Variants in FAM107B observed in about 807,000 individuals in gnomAD.
The protein encoded by FAM107B is protein FAM107B.
In FAM107B, 21 loss-of-function variants were observed where a neutral mutation model predicts 31.5. The observed-to-expected ratio is 0.67, with a 90% CI of 0.47 to 0.96. The LOEUF is 0.96. FAM107B is among the 40% of genes least tolerant of loss of function. The probability of loss-of-function intolerance (pLI) is 0.00; values close to 1 mark genes in which losing one functional copy is unlikely to be tolerated. For missense variants in FAM107B, 452 were observed against 377.1 expected, an observed-to-expected ratio of 1.20 and a Z score of -1.64; for synonymous variants, 157 against 141.5, an observed-to-expected ratio of 1.11 and a Z score of -0.78.
chr10:14,659,630 C>T (rs766434657), intron 2 of FAM107B, among the ~76,000 whole-genome samples: 1 of 152,152 alleles, frequency 6.6e-6, no homozygotes, highest in Non-Finnish European at 1.5e-5. Flanking sequence ...AACTCTTGCA[C>T]AAAATCAGAG....
chr10:14,663,439 C>G (rs72770522), intron 2 of FAM107B: 16,374 of 152,272 alleles, frequency 0.11, 994 homozygotes, highest in Non-Finnish European at 0.14. Context: ...CCCAACCCTG[C>G]TTAGCTTCCG....
chr10:14,527,929 G>T, intron 3 of FAM107B: 1 of 237,284 alleles, frequency 4.2e-6, no homozygotes, highest in Non-Finnish European at 8.6e-6. Context: ...TAACAAGTTT[G>T]GTATTACCTT....
chr10:14,774,391 C>A lies in FAM107B; in HGVS notation c.273G>T (p.Arg91=). The part of the protein sequence containing the change: ...THAERNGSAN[R]NSSHRTAAQP... ...GGGCCGCAGTGCGGTGACTTGAATT[C>A]CGATTCGCACTGCCATTTCTCTCTG... The change falls in exon 1 of 5, where the codon CGG becomes CGT. Residue 91 remains arginine (R), a synonymous_variant. Transcript: ENST00000181796. 1 of 1,614,236 alleles carries A rather than the reference C, an allele frequency of 6.2e-7. No homozygotes were observed. Among genetic ancestry groups the A allele is most frequent in the Non-Finnish European group, 8.5e-7 (1 of 1,180,038 alleles).
At chr10:14,751,516 T>G (rs560372351) in intron 1 of FAM107B, among the ~76,000 whole-genome samples, 1 of 151,724 alleles carries the variant, frequency 6.6e-6, no homozygotes, top group Non-Finnish European at 1.5e-5. Flanking sequence ...TTCTTTTTTT[T>G]CTTAGAGACA....
chr10:14,742,850 C>T (rs1049225135), intron 1 of FAM107B, among the ~76,000 whole-genome samples: 3 of 152,154 alleles, frequency 2.0e-5, no homozygotes, highest in Non-Finnish European at 2.9e-5. Flanking sequence ...CTTTCCTTCT[C>T]TCCTTTACTT....
chr10:14,762,092 T>C (rs1031970601), intron 1 of FAM107B, among the ~76,000 whole-genome samples: 2 of 152,162 alleles, frequency 1.3e-5, no homozygotes, highest in African/African-American at 4.8e-5. Context: ...AGTGGTTCCA[T>C]GGCATCATGG....
At chr10:14,761,486 T>A (rs1833046627) in intron 1 of FAM107B, among the ~76,000 whole-genome samples, 1 of 152,216 alleles carries the variant, frequency 6.6e-6, no homozygotes, top group African/African-American at 2.4e-5. Context: ...TGGGGCTTTT[T>A]ATAAGTGAGA....
At chr10:14,523,005 G>A (rs190809158) in intron 3 of FAM107B, among the ~76,000 whole-genome samples, 102 of 152,204 alleles carry the variant, frequency 6.7e-4, no homozygotes, top group African/African-American at 2.4e-3. Flanking sequence ...AGATAAATTA[G>A]GCTACCATCT....
rs957487836 is a variant in FAM107B at position 14,573,661 on chromosome 10, A to G, written c.470-43146T>C. Among the ~76,000 whole-genome samples, 7 of 151,858 alleles carry G rather than the reference A, an allele frequency of 4.6e-5. No individual in the cohort carries two copies. In the East Asian group the frequency reaches 1.4e-3, roughly 29 times the overall value. On this transcript the variant is annotated intron_variant, in intron 2 of 4. Transcript: ENST00000181796. ...TGGGAGGCAGAGGCAGGAGAATCAC[A>G]TGGACCCCAGAGGCAGAGGTTGCAG...
chr10:14,667,099 T>C (rs1053270166), intron 2 of FAM107B, among the ~76,000 whole-genome samples: 3 of 152,222 alleles, frequency 2.0e-5, no homozygotes, highest in African/African-American at 7.2e-5. Context: ...TTTATGACGA[T>C]TACATCTCAT....
chr10:14,643,348 TCTTA>T (rs1853675461), intron 2 of FAM107B, among the ~76,000 whole-genome samples: 1 of 151,538 alleles, frequency 6.6e-6, no homozygotes. Flanking sequence ...AGGGATCCCC[TCTTA>T]CTTAGCCTTT....
rs554077043 is a variant in FAM107B at position 14,705,938 on chromosome 10, C to CA, written c.412-38248dup. On this transcript the variant is annotated intron_variant, in intron 1 of 4. Transcript: ENST00000181796. ...GATCAAGGTTTCAGGACCCAACCGG[C>CA]AGGGCAAATTTCTAAATTCCTATGG... Among the ~76,000 whole-genome samples the CA allele has an allele frequency of 1.4e-4, 21 of 152,324 alleles. No individual in the cohort carries two copies. In the East Asian group the frequency reaches 3.9e-3, roughly 28 times the overall value.
intron 1 of FAM107B, among the ~76,000 whole-genome samples, chr10:14,706,744 G>A (rs1855529474): frequency 2.6e-5 from 4 of 152,112 alleles, no homozygotes. Flanking sequence ...ATCTTTTCCT[G>A]GTTTGCCAAT....
At chr10:14,625,101 T>A (rs910978557) in intron 2 of FAM107B, among the ~76,000 whole-genome samples, 2 of 151,940 alleles carry the variant, frequency 1.3e-5, no homozygotes, top group African/African-American at 4.8e-5. Flanking sequence ...GGCATGCACC[T>A]GTAATTCCAG....
chr10:14,728,464 A>G (rs529448247), intron 1 of FAM107B, among the ~76,000 whole-genome samples: 10 of 151,944 alleles, frequency 6.6e-5, no homozygotes, highest in African/African-American at 2.4e-4. Context: ...AAGAAGAACT[A>G]CCCCCAGGGT....
At chr10:14,636,321 G>A (rs1045048151) in intron 2 of FAM107B, among the ~76,000 whole-genome samples, 28 of 150,042 alleles carry the variant, frequency 1.9e-4, no homozygotes, top group African/African-American at 6.6e-4. Flanking sequence ...GAGAGAGAGA[G>A]CAAGTGAGAG....
chr10:14,628,612 C>G (rs1477569120), intron 2 of FAM107B, among the ~76,000 whole-genome samples: 1 of 152,028 alleles, frequency 6.6e-6, no homozygotes, highest in Non-Finnish European at 1.5e-5. Context: ...TATTTTAACC[C>G]CAGGCAAGGT....
chr10:14,774,510 C>G lies in FAM107B; in HGVS notation c.154G>C (p.Val52Leu), dbSNP rs543083374. ...GCTTTGGCCACAGGCTGCACACGGA[C>G]GGTGGAATGAGTATCAGCCACGCCG... ...QSGVADTHSTVRVQPVAKAGR... is the reference protein window; with the variant it reads ...QSGVADTHSTLRVQPVAKAGR... Residue 52 changes from valine to leucine, a missense_variant, in exon 1 of 5, where the codon GTC becomes CTC. Val to Leu is a conservative substitution (Grantham distance 32, BLOSUM62 1). Coordinates refer to ENST00000181796, the MANE Select transcript of FAM107B (RefSeq NM_031453.4). 6 of 1,614,160 alleles carry G rather than the reference C, an allele frequency of 3.7e-6. No homozygotes were observed. The East Asian group carries it at 1.1e-4, about 30-fold the overall frequency.
intron 1 of FAM107B, among the ~76,000 whole-genome samples, chr10:14,731,761 C>T (rs1416590749): frequency 1.3e-5 from 2 of 152,118 alleles, no homozygotes; most frequent in African/African-American, 4.8e-5. Flanking sequence ...TTACAGCTGC[C>T]TGCAGTATTC....
Sources: allele counts gnomAD v4.1 joint callset (sites outside exome capture counted in the v4.1 genomes callset), GRCh38; gene constraint gnomAD v4.1.1; transcripts MANE v1.5; gene names NCBI Gene and HGNC (gene_info 2026-07-23, HGNC 2026-07-21).